DCST1: variants seen among roughly 807,000 people sequenced by gnomAD.
DCST1 encodes E3 ubiquitin-protein ligase DCST1.
In DCST1, 78 loss-of-function variants were observed where a neutral mutation model predicts 89.1. The observed-to-expected ratio is 0.88, with a 90% CI of 0.73 to 1.06. The LOEUF (loss-of-function observed/expected upper bound fraction) is 1.06. Ranked by LOEUF, DCST1 falls within the 50% of genes least tolerant of loss-of-function variation. DCST1 has a pLI of 0.00. For missense variants in DCST1, 900 were observed against 928.6 expected (o/e 0.97, Z 0.40); for synonymous variants, 364 against 371.9 (o/e 0.98, Z 0.24).
rs777711599 is a variant in DCST1, at chr1:155,041,787, C to T, written c.822C>T (p.Ile274=). 3 of 1,614,130 alleles carry T rather than the reference C, an allele frequency of 1.9e-6. No individual in the cohort carries two copies. Among genetic ancestry groups the T allele is most frequent in the African/African-American group, 2.7e-5 (2 of 74,942 alleles). The change falls in exon 8 of 17, where the codon ATC becomes ATT. Residue 274 remains isoleucine, a synonymous_variant. Transcript: ENST00000295542. The stretch of plus-strand genomic sequence containing the variant: ...AGCATGAACAGTGCATGAAGCACAT[C>T]TGGGTCCCACTCCTCACCCACCTGC... ...DRKHEQCMKH[I]WVPLLTHLLC...
chr1:155,040,442 C>G, intron 5 of DCST1, 43 bp from the exon 6 acceptor site: 1 of 1,567,274 alleles, frequency 6.4e-7, no homozygotes, highest in Non-Finnish European at 8.7e-7. Flanking sequence ...TGAGAAAGTG[C>G]TGGTTATACA....
intron 16 of DCST1, among the ~76,000 whole-genome samples, 174 bp downstream of exon 16, chr1:155,048,344 T>A (rs745886175): frequency 3.3e-5 from 5 of 152,156 alleles, no homozygotes; most frequent in Non-Finnish European, 7.4e-5. Context: ...CAGGCTGGAG[T>A]GCAGTGGCAC....
rs11445380 is a variant in DCST1, at chr1:155,036,047, CAAAAAAAAAAAA to C, written c.262+1333_262+1344del. ...TAGGTGACAGAGTGAAACTCTGTCT[CAAAAAAAAAAAA>C]AAAAAAAAAAAAGGAAGAAACATCC... On this transcript the variant is annotated intron_variant, in intron 4 of 16. Transcript: ENST00000295542. Among the ~76,000 whole-genome samples the C allele has an allele frequency of 2.9e-3, 205 of 71,238 alleles. 2 individuals are homozygous for C. The highest frequency in any genetic ancestry group is 0.01 in the African/African-American group (191 of 18,692). The allele number at this position is 71,238 out of a possible 152,430, so 46.7% of individuals were successfully genotyped here. A position where few individuals can be genotyped will look rare whatever the true frequency, so the allele number is the denominator to read the frequency against.
At chr1:155,043,273 G>A (rs944069710) in intron 9 of DCST1, 79 bp from the exon 10 acceptor site, 68 of 1,604,486 alleles carry the variant, frequency 4.2e-5, no homozygotes, top group Non-Finnish European at 4.9e-5. Flanking sequence ...GGGTACTGGG[G>A]AACAGATGTC....
At chr1:155,041,287 G>A in intron 6 of DCST1, 110 bp from the exon 7 acceptor site, 2 of 1,128,566 alleles carry the variant, frequency 1.8e-6, no homozygotes, top group South Asian at 1.5e-5. Context: ...CTCCCTGTCG[G>A]CCTGGGGTGA....
intron 15 of DCST1, 49 bp from the exon 16 acceptor site, chr1:155,048,008 A>G (rs760270330): frequency 6.2e-7 from 1 of 1,613,048 alleles, no homozygotes; most frequent in Admixed American, 1.7e-5. Flanking sequence ...TACCAACTCC[A>G]TATTTGGGGG....
rs1279720225 is a variant in DCST1, at chr1:155,042,863, G to A, written c.1014+7G>A. 3.1e-6 allele frequency: 5 copies of A among 1,614,034 alleles called. No homozygotes were observed. The highest frequency in any genetic ancestry group is 2.2e-5 in the East Asian group (1 of 44,884). On this transcript the variant is annotated splice_region_variant and intron_variant, in intron 9 of 16. Coordinates refer to ENST00000295542, the MANE Select transcript of DCST1 (RefSeq NM_152494.4). The stretch of plus-strand genomic sequence containing the variant: ...AGCCAATATTGACTTCAAGGTAGAA[G>A]GCAAGGGCGAGGGTTGGTGGGGGGT...
intron 4 of DCST1, among the ~76,000 whole-genome samples, chr1:155,037,438 C>CT (rs781136167): frequency 0.013 from 1,663 of 125,800 alleles, 36 homozygotes; most frequent in African/African-American, 0.03. Flanking sequence ...CATTGTTGGT[C>CT]TTTTTTTTTT....
At chr1:155,043,187 CTG>C (rs1037958768) in intron 9 of DCST1, among the ~76,000 whole-genome samples, 163 bp from the exon 10 acceptor site, 1 of 152,128 alleles carries the variant, frequency 6.6e-6, no homozygotes, top group Non-Finnish European at 1.5e-5. Context: ...GGGAGCAAGA[CTG>C]TGTCCAGGAG....
At chr1:155,045,641 C>T in intron 10 of DCST1, 3 of 520,496 alleles carry the variant, frequency 5.8e-6, no homozygotes, top group Non-Finnish European at 7.0e-6. Flanking sequence ...TCTGAGCCCC[C>T]ACCTCATCCC....
At chr1:155,039,621 C>T in intron 5 of DCST1, 90 bp downstream of exon 5, 1 of 1,431,836 alleles carries the variant, frequency 7.0e-7, no homozygotes, top group African/African-American at 1.4e-5. Flanking sequence ...GGAGAAAAGA[C>T]AGGAGTGTCA....
chr1:155,049,058 G>A, intron 16 of DCST1: 1 of 717,376 alleles, frequency 1.4e-6, no homozygotes, highest in Non-Finnish European at 2.6e-6. Flanking sequence ...TGTAAGGCCT[G>A]CTCACTGGAG....
chr1:155,039,573 C>A (rs888333054), intron 5 of DCST1, 42 bp downstream of exon 5: 2 of 1,492,296 alleles, frequency 1.3e-6, no homozygotes, highest in African/African-American at 2.8e-5. Flanking sequence ...AAGCAGTGAC[C>A]CTGGGTGGGT....
At chr1:155,038,028 T>C (rs1660325478) in intron 4 of DCST1, among the ~76,000 whole-genome samples, 1 of 152,114 alleles carries the variant, frequency 6.6e-6, no homozygotes, top group African/African-American at 2.4e-5. Flanking sequence ...AAAACCCAAG[T>C]TGTGTTAGCA....
chr1:155,035,558 A>G (rs1660253549), intron 4 of DCST1, among the ~76,000 whole-genome samples: 1 of 152,214 alleles, frequency 6.6e-6, no homozygotes, highest in South Asian at 2.1e-4. Flanking sequence ...ACTTCTCTTC[A>G]GGTCACAAGA....
intron 5 of DCST1, 126 bp from the exon 6 acceptor site, chr1:155,040,359 C>A (rs1660403620): frequency 1.2e-5 from 11 of 889,280 alleles, no homozygotes; most frequent in Non-Finnish European, 1.7e-5. Context: ...GTTGACCTTT[C>A]ATAGGCTCTC....
chr1:155,043,888 G>A (rs894131572), intron 10 of DCST1, among the ~76,000 whole-genome samples: 1 of 151,764 alleles, frequency 6.6e-6, no homozygotes, highest in African/African-American at 2.4e-5. Flanking sequence ...TGCCTGCTGC[G>A]TTGGCAGCGA....
chr1:155,034,916 C>T, intron 4 of DCST1, 189 bp downstream of exon 4: 1 of 632,638 alleles, frequency 1.6e-6, no homozygotes, highest in Non-Finnish European at 2.8e-6. Flanking sequence ...AAGACACCGT[C>T]CTTGCCCTGA....
chr1:155,034,333 G>T, intron 2 of DCST1, 102 bp from the exon 3 acceptor site: 4 of 1,606,324 alleles, frequency 2.5e-6, no homozygotes, highest in Non-Finnish European at 3.4e-6. Context: ...TGTTTCACAT[G>T]CCAGGTTTCC....
Sources: gnomAD v4.1 joint callset for allele counts (sites outside exome capture counted in the v4.1 genomes callset) on GRCh38, gnomAD v4.1.1 for gene constraint, MANE v1.5 for transcripts, NCBI Gene and HGNC (gene_info 2026-07-23, HGNC 2026-07-21) for gene names.